Variants in ERI1 observed in about 807,000 individuals in gnomAD.
The protein encoded by ERI1 is 3'-5' exoribonuclease 1.
In ERI1, 39 loss-of-function variants were observed where a neutral mutation model predicts 39.7. The observed-to-expected ratio is 0.98, with a 90% confidence interval of 0.76 to 1.28. The LOEUF (loss-of-function observed/expected upper bound fraction) is 1.28, where lower values mean the gene tolerates loss of function less well. Ranked by LOEUF, ERI1 falls within the 50% of genes most tolerant of loss-of-function variation. The pLI, the probability that ERI1 is intolerant of heterozygous loss-of-function variation, is 0.00. For synonymous variants in ERI1, 204 were observed against 149.6 expected (o/e 1.36, Z -2.65); for missense variants, 581 against 416.9 (o/e 1.39, Z -3.43).
chr8:9,096,891 C>T (rs1370438604), intron 3 of ERI1: 1 of 151,960 alleles, frequency 6.6e-6, no homozygotes, highest in Non-Finnish European at 1.5e-5. Context: ...TCTGTTCCCA[C>T]TTTCTGTCTG....
chr8:9,030,939 G>A lies in ERI1; in HGVS notation c.*905G>A, dbSNP rs1453870455. Reference sequence around the variant, plus strand: ...TTTTTGTTATTAAAAAACTTCATTGGCCACTAGTGAAGTTAGTCAATAAAA... The same window carrying A: ...TTTTTGTTATTAAAAAACTTCATTGACCACTAGTGAAGTTAGTCAATAAAA... On this transcript the variant is annotated 3_prime_UTR_variant, in exon 7 of 7. Coordinates refer to ENST00000250263, the MANE Select transcript of ERI1 (RefSeq NM_153332.4). 6.6e-6 allele frequency: 1 copy of A among 152,026 alleles called. No individual in the cohort carries two copies. The highest frequency in any genetic ancestry group is 1.5e-5 in the Non-Finnish European group (1 of 67,976). 9.4% of individuals were successfully genotyped at this position (152,026 alleles called of 1,614,324 possible).
At chr8:9,075,891 G>C (rs1254227908) in intron 3 of ERI1, among the ~76,000 whole-genome samples, 1 of 152,162 alleles carries the variant, frequency 6.6e-6, no homozygotes, top group Non-Finnish European at 1.5e-5. Context: ...TCCTGCCTCA[G>C]CCTCTCAAAG....
downstream of ERI1, among the ~76,000 whole-genome samples, chr8:9,033,537 C>T (rs902664332): frequency 5.3e-5 from 8 of 149,942 alleles, no homozygotes; most frequent in Admixed American, 4.0e-4. Context: ...ACAAGAAATG[C>T]GACTGTGATG....
chr8:9,041,279 T>G (rs1482321463), intron 3 of ERI1, among the ~76,000 whole-genome samples: 1 of 152,174 alleles, frequency 6.6e-6, no homozygotes, highest in Non-Finnish European at 1.5e-5. Flanking sequence ...AAATCCTACA[T>G]TCCTTACTAC....
At chr8:9,009,914 G>A (rs1377814625) in intron 2 of ERI1, among the ~76,000 whole-genome samples, 1 of 152,226 alleles carries the variant, frequency 6.6e-6, no homozygotes, top group Non-Finnish European at 1.5e-5. Flanking sequence ...ATGATAGGTT[G>A]TAGCCAAGTT....
At chr8:9,025,183 G>T (rs1041807752) in intron 6 of ERI1, among the ~76,000 whole-genome samples, 7 of 152,162 alleles carry the variant, frequency 4.6e-5, no homozygotes, top group Non-Finnish European at 1.0e-4. Flanking sequence ...TGTTGAAAGG[G>T]AGGAAAAATA....
intron 3 of ERI1, among the ~76,000 whole-genome samples, chr8:9,080,669 G>C (rs1799340535): frequency 2.0e-5 from 3 of 152,158 alleles, no homozygotes; most frequent in Admixed American, 2.0e-4. Context: ...ACGTGTCTTT[G>C]GGTTCTAGCA....
At chr8:9,004,485 CTTTTTTTTTTTTTTTT>C (rs71201904) in intron 1 of ERI1, among the ~76,000 whole-genome samples, 1 of 78,328 alleles carries the variant, frequency 1.3e-5, no homozygotes, top group Non-Finnish European at 2.3e-5. Context: ...TATAGTGATA[CTTTTTTTTTTTTTTTT>C]TTTTTTTTTT....
intron 3 of ERI1, among the ~76,000 whole-genome samples, chr8:9,067,823 A>G (rs1798929057): frequency 6.8e-6 from 1 of 146,594 alleles, no homozygotes; most frequent in Non-Finnish European, 1.5e-5. Flanking sequence ...TCCCCAAGTC[A>G]ACAAACTCCT....
chr8:9,093,520 AAAGAAG>A (rs1222925187), intron 3 of ERI1, among the ~76,000 whole-genome samples: 5 of 149,226 alleles, frequency 3.4e-5, no homozygotes, highest in Admixed American at 6.6e-5. Context: ...AAAAAAAAAA[AAAGAAG>A]AAGAAGAAGA....
chr8:9,021,104 C>T lies in ERI1; in HGVS notation c.807+640C>T, dbSNP rs1817840632. On this transcript the variant is annotated intron_variant, in intron 6 of 6. Transcript: ENST00000250263. ...CATCTTCCTACTATAGCTCTATTAC[C>T]TTTCAGTCAGAGCACTCAGTGTTCA... 2.6e-5 allele frequency among the ~76,000 whole-genome samples: 4 copies of T among 152,054 alleles called. No homozygotes were observed. In the South Asian group the frequency reaches 8.3e-4, roughly 32 times the overall value.
intron 1 of ERI1, chr8:9,004,024 G>C: frequency 8.0e-7 from 1 of 1,244,442 alleles, no homozygotes; most frequent in Non-Finnish European, 1.1e-6. Flanking sequence ...TCGGGTGCCT[G>C]CCTCCCTTGG....
chr8:9,079,754 T>G (rs10093648), intron 3 of ERI1, among the ~76,000 whole-genome samples: 68,797 of 151,840 alleles, frequency 0.45, 16,355 homozygotes, highest in Non-Finnish European at 0.51. Flanking sequence ...ACTGCAGCCT[T>G]GACCTCCCCA....
intron 3 of ERI1, among the ~76,000 whole-genome samples, chr8:9,046,951 T>C (rs977953286): frequency 6.6e-6 from 1 of 152,224 alleles, no homozygotes; most frequent in Non-Finnish European, 1.5e-5. Flanking sequence ...CGAATCAGCC[T>C]GAGGCTGGCA....
chr8:9,075,931 C>G (rs1442892174), intron 3 of ERI1, among the ~76,000 whole-genome samples: 1 of 152,026 alleles, frequency 6.6e-6, no homozygotes, highest in East Asian at 1.9e-4. Flanking sequence ...AGTCACTGCA[C>G]TTGGCTTTTT....
chr8:9,044,384 A>T lies in ERI1; in HGVS notation n.299+23920A>T, dbSNP rs1021261799. Among the ~76,000 whole-genome samples the T allele has an allele frequency of 7.2e-5, 11 of 152,174 alleles. 1 individual carries two copies. Among genetic ancestry groups the T allele is most frequent in the African/African-American group, 2.6e-4 (11 of 41,528 alleles). ...TGACTTTGGTGTGGGAATCAGGAGG[A>T]TGTGAGGAACAGAAGGGAAGCCAGC... On this transcript the variant is annotated intron_variant and non_coding_transcript_variant, in intron 3 of 3. Coordinates refer to the ERI1 transcript ENST00000518663.
chr8:9,032,031 A>C lies in ERI1; in HGVS notation c.*1997A>C, dbSNP rs2117314904. On this transcript the variant is annotated 3_prime_UTR_variant, in exon 7 of 7. Transcript: ENST00000250263. ...CCTTGACCTCCTACAGACGTGAGCC[A>C]CTGCGCTCAGCCATAGATTTTACTG... 1.3e-5 allele frequency: 2 copies of C among 152,326 alleles called. No homozygotes were observed. Among genetic ancestry groups the C allele is most frequent in the Admixed American group, 1.3e-4 (2 of 15,300 alleles). The allele number at this position is 152,326 out of a possible 1,614,324, so 9.4% of individuals were successfully genotyped here. A position where few individuals can be genotyped will look rare whatever the true frequency, so the allele number is the denominator to read the frequency against.
intron 3 of ERI1, among the ~76,000 whole-genome samples, chr8:9,015,908 A>AT: frequency 6.6e-6 from 1 of 152,260 alleles, no homozygotes; most frequent in South Asian, 2.1e-4. Context: ...TAAATGAGAG[A>AT]AAAATAGTTT....
At chr8:9,083,231 C>G (rs73197735) in intron 3 of ERI1, among the ~76,000 whole-genome samples, 1 of 152,074 alleles carries the variant, frequency 6.6e-6, no homozygotes, top group African/African-American at 2.4e-5. Flanking sequence ...TTATCTTGAT[C>G]TACTTTCAGT....
Sources: allele counts gnomAD v4.1 joint callset (sites outside exome capture counted in the v4.1 genomes callset), GRCh38; gene constraint gnomAD v4.1.1; transcripts MANE v1.5; gene names NCBI Gene and HGNC (gene_info 2026-07-23, HGNC 2026-07-21).